Variants in MIPOL1 observed in about 807,000 individuals in gnomAD.
MIPOL1 encodes the protein mirror-image polydactyly 1.
MIPOL1 carries 57 observed loss-of-function variants against 60.9 expected under a neutral mutation model. That is an observed-to-expected ratio of 0.94 (90% confidence interval 0.76 to 1.17). The LOEUF (loss-of-function observed/expected upper bound fraction) is 1.17, where lower values mean the gene tolerates loss of function less well. Ranked by LOEUF, MIPOL1 falls within the 50% of genes most tolerant of loss-of-function variation. The pLI, the probability that MIPOL1 is intolerant of heterozygous loss-of-function variation, is 0.00. For missense variants in MIPOL1, 551 were observed against 511.6 expected (o/e 1.08, Z -0.74); for synonymous variants, 179 against 168.8 (o/e 1.06, Z -0.47).
rs77362233 is a variant in MIPOL1 at position 37,443,013 on chromosome 14, A to T, written c.1031+20064A>T. Among the ~76,000 whole-genome samples, 451 of 152,298 alleles carry T rather than the reference A, an allele frequency of 3.0e-3. 3 individuals are homozygous for T. Among genetic ancestry groups the T allele is most frequent in the African/African-American group, 9.3e-3 (385 of 41,580 alleles). ...GAAATGAAAGAAATCCAGAATAGCC[A>T]AACTGATCTTGAAAAAAGAGCAAAG... On this transcript the variant is annotated intron_variant, in intron 11 of 12. Transcript: ENST00000684589.
intron 9 of MIPOL1, among the ~76,000 whole-genome samples, chr14:37,341,792 C>G (rs2090593553): frequency 6.6e-6 from 1 of 152,098 alleles, no homozygotes; most frequent in Non-Finnish European, 1.5e-5. Context: ...GTAGTTCTAG[C>G]TGTTTGAGTT....
chr14:37,392,480 A>G (rs747865507), intron 10 of MIPOL1, among the ~76,000 whole-genome samples: 38 of 152,164 alleles, frequency 2.5e-4, no homozygotes, highest in Non-Finnish European at 4.9e-4. Context: ...AAATACAGAC[A>G]TTTGTATTTC....
chr14:37,482,800 CA>C (rs2094890977), intron 11 of MIPOL1, among the ~76,000 whole-genome samples: 1 of 152,168 alleles, frequency 6.6e-6, no homozygotes, highest in Non-Finnish European at 1.5e-5. Flanking sequence ...TAACAAGTGT[CA>C]GTGAGGATAT....
At chr14:37,302,161 A>G (rs1042334117) in intron 7 of MIPOL1, among the ~76,000 whole-genome samples, 2 of 149,578 alleles carry the variant, frequency 1.3e-5, no homozygotes, top group South Asian at 4.2e-4. Flanking sequence ...TGTTAATTTT[A>G]TAAGAAACTG....
chr14:37,266,049 T>C (rs2082851429), intron 3 of MIPOL1, among the ~76,000 whole-genome samples: 1 of 152,138 alleles, frequency 6.6e-6, no homozygotes, highest in Non-Finnish European at 1.5e-5. Flanking sequence ...TTTATTGTAA[T>C]AAAACTTCAA....
chr14:37,295,137 G>C (rs1334899196), intron 7 of MIPOL1, among the ~76,000 whole-genome samples: 1 of 152,162 alleles, frequency 6.6e-6, no homozygotes, highest in Non-Finnish European at 1.5e-5. Context: ...AGCAGAGAGT[G>C]GGGGCCAATA....
chr14:37,332,191 G>A (rs953568294), intron 9 of MIPOL1, among the ~76,000 whole-genome samples: 3 of 151,858 alleles, frequency 2.0e-5, no homozygotes, highest in Non-Finnish European at 4.4e-5. Context: ...CTAGCTGTAG[G>A]TTTGTCATTT....
chr14:37,308,569 A>AT, intron 9 of MIPOL1, 50 bp downstream of exon 9: 1 of 1,357,102 alleles, frequency 7.4e-7, no homozygotes. Flanking sequence ...TTTCCTCTCT[A>AT]TTTTTTTAAC....
intron 1 of MIPOL1, among the ~76,000 whole-genome samples, chr14:37,206,486 G>T (rs934223449): frequency 1.3e-5 from 2 of 152,210 alleles, no homozygotes; most frequent in African/African-American, 4.8e-5. Flanking sequence ...GTAGGGCAGT[G>T]CATAAGGGAA....
Position 37,233,464 on chromosome 14 carries a change from A to G in MIPOL1, c.-198-13639A>G, listed in dbSNP as rs112156454. The stretch of plus-strand genomic sequence containing the variant: ...TCTCAACATAAGTGTCATCAAGTTC[A>G]GGACACTTTTGTTGGTAATGATACC... On this transcript the variant is annotated intron_variant, in intron 1 of 12. Transcript: ENST00000684589. Among the ~76,000 whole-genome samples, 15 of 152,360 alleles carry G rather than the reference A, an allele frequency of 9.8e-5. 1 individual carries two copies. The highest frequency in any genetic ancestry group is 2.9e-4 in the African/African-American group (12 of 41,588).
At chr14:37,303,530 T>C (rs931172246) in intron 7 of MIPOL1, among the ~76,000 whole-genome samples, 5 of 151,934 alleles carry the variant, frequency 3.3e-5, no homozygotes, top group African/African-American at 9.7e-5. Flanking sequence ...CTTCATTGCT[T>C]ATCTACTTTA....
chr14:37,413,530 T>A (rs1392997658), intron 10 of MIPOL1, among the ~76,000 whole-genome samples: 1 of 152,240 alleles, frequency 6.6e-6, no homozygotes, highest in Non-Finnish European at 1.5e-5. Flanking sequence ...TTTACCCAGA[T>A]AATCCAGGGT....
intron 9 of MIPOL1, among the ~76,000 whole-genome samples, chr14:37,345,044 A>T: frequency 6.6e-6 from 1 of 151,464 alleles, no homozygotes; most frequent in African/African-American, 2.4e-5. Flanking sequence ...AGTGGACAAT[A>T]CTTAAATAAT....
At chr14:37,338,504 A>G (rs10141822) in intron 9 of MIPOL1, among the ~76,000 whole-genome samples, 146,794 of 151,506 alleles carry the variant, frequency 0.97, 71,187 homozygotes, top group East Asian at 1. Context: ...TGCCTCCCAG[A>G]TTCAAGTGAT....
intron 8 of MIPOL1, 80 bp from the exon 9 acceptor site, chr14:37,308,267 CAT>C (rs1216353867): frequency 8.0e-7 from 1 of 1,253,360 alleles, no homozygotes; most frequent in African/African-American, 1.5e-5. Flanking sequence ...TTACAATTCA[CAT>C]GTGCCTATTA....
At chr14:37,284,518 T>G (rs932363569) in intron 6 of MIPOL1, among the ~76,000 whole-genome samples, 7 of 152,056 alleles carry the variant, frequency 4.6e-5, no homozygotes, top group Non-Finnish European at 8.8e-5. Context: ...TAATTTTTTG[T>G]ATTTTTAGTA....
intron 11 of MIPOL1, among the ~76,000 whole-genome samples, chr14:37,449,158 C>G (rs186995938): frequency 6.6e-6 from 1 of 151,918 alleles, no homozygotes; most frequent in African/African-American, 2.4e-5. Context: ...AAATTTTTGC[C>G]GTGTCAAAGT....
intron 11 of MIPOL1, among the ~76,000 whole-genome samples, chr14:37,430,721 A>G (rs1486622799): frequency 6.6e-6 from 1 of 152,140 alleles, no homozygotes; most frequent in African/African-American, 2.4e-5. Flanking sequence ...AAAACTGTGA[A>G]GCACTGTGCA....
chr14:37,358,329 T>C (rs2091988340), intron 9 of MIPOL1, among the ~76,000 whole-genome samples: 2 of 152,326 alleles, frequency 1.3e-5, no homozygotes, highest in African/African-American at 4.8e-5. Context: ...AGCAGCATGA[T>C]TTATAATCCT....
Sources: gnomAD v4.1 joint callset for allele counts (sites outside exome capture counted in the v4.1 genomes callset) on GRCh38, gnomAD v4.1.1 for gene constraint, MANE v1.5 for transcripts, NCBI Gene and HGNC (gene_info 2026-07-23, HGNC 2026-07-21) for gene names.